Variants in TJP1 observed in about 807,000 individuals in gnomAD.
TJP1 encodes tight junction protein ZO-1.
Under a neutral mutation model 194.2 loss-of-function variants are expected in TJP1, and 43 were observed. That is an observed-to-expected ratio of 0.22 (90% CI 0.17 to 0.29). The LOEUF is 0.29. Among genes scored for constraint, TJP1 ranks in the 10% least tolerant of loss-of-function variants. TJP1 has a pLI of 1.00. For missense variants in TJP1, 1,971 were observed against 2,185.7 expected (o/e 0.90, Z 1.96); for synonymous variants, 801 against 779.0 (o/e 1.03, Z -0.47).
chr15:29,730,932 G>A (rs1053899522), intron 15 of TJP1: 136 of 1,222,986 alleles, frequency 1.1e-4, no homozygotes, highest in Non-Finnish European at 1.5e-4. Flanking sequence ...AGAAAATGGA[G>A]ATGCCAAAAC....
In TJP1 at chr15:29,830,327, A is replaced by G. The variant is rs184127951; in HGVS notation, c.307-29625T>C. Among the ~76,000 whole-genome samples the G allele has an allele frequency of 3.0e-3, 451 of 149,996 alleles. 1 individual carries two copies. Among genetic ancestry groups the G allele is most frequent in the Non-Finnish European group, 5.0e-3 (337 of 67,490 alleles). On this transcript the variant is annotated intron_variant, in intron 2 of 28. Coordinates refer to the TJP1 transcript ENST00000356107. ...ATGTCAGAATAATATTATTTATATG[A>G]TAAATGTATAATAATTATATATAAT...
intron 2 of TJP1, among the ~76,000 whole-genome samples, chr15:29,782,408 G>A (rs764968116): frequency 2.0e-5 from 3 of 152,160 alleles, no homozygotes; most frequent in Non-Finnish European, 2.9e-5. Context: ...ACGACCATCT[G>A]ATCTTCGACA....
At chr15:29,746,441 G>A (rs183317214) in intron 8 of TJP1, among the ~76,000 whole-genome samples, 2 of 151,156 alleles carry the variant, frequency 1.3e-5, no homozygotes, top group African/African-American at 4.8e-5. Context: ...ACAGATTACA[G>A]AATACATATA....
chr15:29,817,249 C>T (rs916186877), intron 1 of TJP1, among the ~76,000 whole-genome samples: 1 of 152,194 alleles, frequency 6.6e-6, no homozygotes, highest in Non-Finnish European at 1.5e-5. Context: ...CATCACCGAT[C>T]ATTAGAGAAA....
intron 16 of TJP1, 110 bp from the exon 17 acceptor site, chr15:29,727,101 T>C: frequency 4.2e-6 from 4 of 955,646 alleles, no homozygotes; most frequent in Non-Finnish European, 6.2e-6. Flanking sequence ...CCTAGCACTT[T>C]GGGAGGTCGA....
intron 2 of TJP1, among the ~76,000 whole-genome samples, chr15:29,949,219 CACTTTCACCACCACT>C (rs1299178383): frequency 3.9e-4 from 45 of 116,460 alleles, no homozygotes; most frequent in African/African-American, 1.8e-3. Flanking sequence ...CCACCACCTC[CACTTTCACCACCACT>C]ACCTCCACCT....
intron 9 of TJP1, 145 bp downstream of exon 9, chr15:29,742,497 A>G: frequency 2.3e-6 from 2 of 879,738 alleles, no homozygotes; most frequent in Non-Finnish European, 3.2e-6. Flanking sequence ...CCTGCTACCC[A>G]TAAGGAAAAC....
At chr15:29,793,623 C>A (rs759394763) in intron 2 of TJP1, among the ~76,000 whole-genome samples, 1 of 152,058 alleles carries the variant, frequency 6.6e-6, no homozygotes, top group East Asian at 1.9e-4. Context: ...AGACAGAGAG[C>A]AGGGAGGTTT....
chr15:29,841,159 G>A (rs1247769472), intron 2 of TJP1, among the ~76,000 whole-genome samples: 1 of 152,136 alleles, frequency 6.6e-6, no homozygotes, highest in Non-Finnish European at 1.5e-5. Flanking sequence ...AAGCAAGCCT[G>A]ACATTCTCCC....
chr15:29,860,163 CAG>C (rs2052019689), intron 2 of TJP1, among the ~76,000 whole-genome samples: 2 of 152,178 alleles, frequency 1.3e-5, no homozygotes, highest in African/African-American at 2.4e-5. Context: ...TCAGAGCCCA[CAG>C]AGTCTGCTGC....
rs112717963 is a variant in TJP1 at position 29,782,852 on chromosome 15, C to A, written c.85-9495G>T. Among the ~76,000 whole-genome samples, 59 of 7,042 alleles carry A rather than the reference C, an allele frequency of 8.4e-3. No individual in the cohort carries two copies. The Admixed American group carries it at 0.088, about 11-fold the overall frequency. 4.6% of individuals were successfully genotyped at this position (7,042 alleles called of 152,430 possible). A position where few individuals can be genotyped will look rare whatever the true frequency, so the allele number is the denominator to read the frequency against. On this transcript the variant is annotated intron_variant, in intron 2 of 27. Transcript: ENST00000614355. ...CACAATTTTACAAGAAAAAAAACAACCCCCATTAGAAAGTGGGCAAAGGAC... is the reference window on the plus strand; with the variant it reads ...CACAATTTTACAAGAAAAAAAACAAACCCCATTAGAAAGTGGGCAAAGGAC...
chr15:29,968,762 C>T, exon 1 of TJP1: 2 of 1,228,724 alleles, frequency 1.6e-6, no homozygotes, highest in Non-Finnish European at 1.0e-6. Context: ...GGTACTTCAT[C>T]TTGTCCCCGC....
chr15:29,951,135 T>G (rs1468392891), intron 2 of TJP1, among the ~76,000 whole-genome samples: 1 of 152,134 alleles, frequency 6.6e-6, no homozygotes, highest in African/African-American at 2.4e-5. Flanking sequence ...GGGTTACAGA[T>G]ATTTCCTGTT....
chr15:29,903,416 C>T lies in TJP1; in HGVS notation c.306+52816G>A, dbSNP rs143228906. Among the ~76,000 whole-genome samples, 325 of 152,074 alleles carry T rather than the reference C, an allele frequency of 2.1e-3. 1 individual carries two copies. The highest frequency in any genetic ancestry group is 7.5e-3 in the African/African-American group (311 of 41,492). On this transcript the variant is annotated intron_variant, in intron 2 of 28. Transcript: ENST00000356107. ...ATGCACTGAGAAACTATTAAATGAA[C>T]AAATTACATGTTCAATCTTACCGAG...
chr15:29,965,294 C>A (rs1013240358), intron 1 of TJP1, among the ~76,000 whole-genome samples: 1 of 152,054 alleles, frequency 6.6e-6, no homozygotes, highest in East Asian at 1.9e-4. Context: ...ACTGCAACCT[C>A]CGCCTCCTAG....
At chr15:29,769,090 T>A (rs2046495964) in intron 4 of TJP1, among the ~76,000 whole-genome samples, 1 of 152,038 alleles carries the variant, frequency 6.6e-6, no homozygotes, top group Non-Finnish European at 1.5e-5. Context: ...CTTACAAGCA[T>A]TCACAAAAGC....
intron 2 of TJP1, among the ~76,000 whole-genome samples, chr15:29,782,400 G>A (rs1007715238): frequency 2.0e-5 from 3 of 152,036 alleles, no homozygotes; most frequent in African/African-American, 7.2e-5. Context: ...CCACACATAC[G>A]ACCATCTGAT....
chr15:29,855,605 C>T (rs2051816005), intron 2 of TJP1, among the ~76,000 whole-genome samples: 1 of 152,104 alleles, frequency 6.6e-6, no homozygotes, highest in African/African-American at 2.4e-5. Context: ...CCTGTAATCC[C>T]AGCACTTTGG....
chr15:29,937,131 T>G (rs1256839250), intron 2 of TJP1, among the ~76,000 whole-genome samples: 1 of 152,234 alleles, frequency 6.6e-6, no homozygotes, highest in East Asian at 1.9e-4. Flanking sequence ...TATTATAGAC[T>G]CTATTATATT....
Sources: gnomAD v4.1 joint callset for allele counts (sites outside exome capture counted in the v4.1 genomes callset) on GRCh38, gnomAD v4.1.1 for gene constraint, MANE v1.5 for transcripts, NCBI Gene and HGNC (gene_info 2026-07-23, HGNC 2026-07-21) for gene names.